GPR39: variants seen among roughly 807,000 people sequenced by gnomAD.
The protein encoded by GPR39 is G protein-coupled receptor 39, also known as zinc sensing receptor.
A neutral mutation model predicts 18.4 loss-of-function variants in GPR39; 23 were observed. That is an observed-to-expected ratio of 1.25 (90% CI 0.90 to 1.77). GPR39 has a LOEUF of 1.77. Among genes scored for constraint, GPR39 ranks in the 40% most tolerant of loss-of-function variants. The probability of loss-of-function intolerance (pLI) is 0.00; values close to 1 mark genes in which losing one functional copy is unlikely to be tolerated. For missense variants in GPR39, 647 were observed against 602.4 expected, an observed-to-expected ratio of 1.07 and a Z score of -0.78; for synonymous variants, 280 against 257.9, an observed-to-expected ratio of 1.09 and a Z score of -0.82.
chr2:132,531,729 C>CA (rs1304132421), intron 1 of GPR39, among the ~76,000 whole-genome samples: 4 of 152,212 alleles, frequency 2.6e-5, no homozygotes, highest in Admixed American at 1.3e-4. Flanking sequence ...GGAAACTGAA[C>CA]AACCTGCTCC....
At position 132,617,263 on chromosome 2, in the gene GPR39, TC is replaced by T. The variant is rs557393308; in HGVS notation, c.857-27836del. On this transcript the variant is annotated intron_variant, in intron 1 of 1. Transcript: ENST00000329321. ...TGGCTTGTATTTTTATGGCTTGGAGTCCTACAGATGGAGTTCCTGGGGCAAA... is the reference window on the plus strand; with the variant it reads ...TGGCTTGTATTTTTATGGCTTGGAGTCTACAGATGGAGTTCCTGGGGCAAA... 4.1e-3 allele frequency among the ~76,000 whole-genome samples: 618 copies of T among 151,874 alleles called. 1 individual carries two copies. Among genetic ancestry groups the T allele is most frequent in the Admixed American group, 7.8e-3 (119 of 15,212 alleles).
Position 132,558,818 on chromosome 2 carries a change from A to C in GPR39, c.857-86283A>C, listed in dbSNP as rs566216289. Among the ~76,000 whole-genome samples, 5 of 152,320 alleles carry C rather than the reference A, an allele frequency of 3.3e-5. No individual in the cohort carries two copies. The South Asian group carries it at 1.0e-3, about 32-fold the overall frequency. ...AGACAGGGGCAGACCTGGAAGGAGG[A>C]GATAAACATTGAATAGGTGCTCAGC... On this transcript the variant is annotated intron_variant, in intron 1 of 1. Coordinates refer to ENST00000329321, the MANE Select transcript of GPR39 (RefSeq NM_001508.3).
chr2:132,512,140 G>C, intron 1 of GPR39, among the ~76,000 whole-genome samples: 1 of 152,140 alleles, frequency 6.6e-6, no homozygotes, highest in Non-Finnish European at 1.5e-5. Flanking sequence ...GTATAACTTG[G>C]GGTAATTATG....
intron 1 of GPR39, among the ~76,000 whole-genome samples, chr2:132,521,754 A>G (rs1679430505): frequency 6.6e-6 from 1 of 152,170 alleles, no homozygotes; most frequent in Non-Finnish European, 1.5e-5. Context: ...CTGATTAGCA[A>G]TTTGTATAGC....
intron 1 of GPR39, among the ~76,000 whole-genome samples, chr2:132,504,153 C>G (rs1679095867): frequency 6.6e-6 from 1 of 152,166 alleles, no homozygotes; most frequent in Non-Finnish European, 1.5e-5. Context: ...GTTTTTGGAG[C>G]AAATGTTCAC....
rs2104790465 is a variant in GPR39 at position 132,483,110 on chromosome 2, C to G, written c.856+65212C>G. ...GCCCTTTGTGAGTCAGTTTTCTTATCTATAAAATGAGAGACCTAATAATAC... is the reference window on the plus strand; with the variant it reads ...GCCCTTTGTGAGTCAGTTTTCTTATGTATAAAATGAGAGACCTAATAATAC... On this transcript the variant is annotated intron_variant, in intron 1 of 1. Transcript: ENST00000329321. Among the ~76,000 whole-genome samples the G allele has an allele frequency of 4.6e-5, 7 of 152,282 alleles. 1 individual carries two copies. In the South Asian group the frequency reaches 1.5e-3, roughly 32 times the overall value.
intron 1 of GPR39, among the ~76,000 whole-genome samples, chr2:132,585,809 G>T (rs973954932): frequency 5.9e-5 from 9 of 152,060 alleles, no homozygotes; most frequent in African/African-American, 2.2e-4. Flanking sequence ...GCGTGATCAC[G>T]CAGCTGCCTC....
intron 1 of GPR39, among the ~76,000 whole-genome samples, chr2:132,509,205 T>C (rs2104756882): frequency 6.6e-6 from 1 of 152,282 alleles, no homozygotes; most frequent in African/African-American, 2.4e-5. Flanking sequence ...ACTCTACCTA[T>C]AGGGAGTGGA....
chr2:132,482,411 T>C (rs1017770248), intron 1 of GPR39, among the ~76,000 whole-genome samples: 5 of 152,178 alleles, frequency 3.3e-5, no homozygotes, highest in Admixed American at 2.6e-4. Context: ...ATCCTTTTTT[T>C]GTAGAAGTCA....
intron 1 of GPR39, among the ~76,000 whole-genome samples, chr2:132,478,474 G>T (rs1306879475): frequency 1.3e-5 from 2 of 152,172 alleles, no homozygotes; most frequent in African/African-American, 4.8e-5. Context: ...TAATTTATTT[G>T]TCAGAATGTT....
intron 1 of GPR39, among the ~76,000 whole-genome samples, chr2:132,475,397 G>T (rs1339530378): frequency 2.0e-5 from 3 of 151,698 alleles, no homozygotes; most frequent in Non-Finnish European, 4.4e-5. Context: ...GGTAGTTGGG[G>T]GCAGATCTTG....
At chr2:132,618,194 C>T (rs1003304176) in intron 1 of GPR39, among the ~76,000 whole-genome samples, 2 of 152,210 alleles carry the variant, frequency 1.3e-5, no homozygotes, top group African/African-American at 4.8e-5. Context: ...AGTGTGTGTT[C>T]TGCCAGCCAG....
intron 1 of GPR39, among the ~76,000 whole-genome samples, chr2:132,445,292 A>G (rs748379535): frequency 5.7e-4 from 87 of 152,214 alleles, no homozygotes; most frequent in African/African-American, 2.0e-3. Flanking sequence ...TCTATATAAT[A>G]TGATGACATG....
chr2:132,562,029 G>C (rs1412380561), intron 1 of GPR39, among the ~76,000 whole-genome samples: 9 of 152,260 alleles, frequency 5.9e-5, no homozygotes. Context: ...CAAATATCTA[G>C]GCACCCCAGT....
intron 1 of GPR39, among the ~76,000 whole-genome samples, chr2:132,629,279 A>G (rs1242944917): frequency 6.6e-6 from 1 of 152,220 alleles, no homozygotes; most frequent in African/African-American, 2.4e-5. Flanking sequence ...GTTAAAATGC[A>G]GATCCTGACC....
At chr2:132,519,144 TAC>T (rs1165830862) in intron 1 of GPR39, among the ~76,000 whole-genome samples, 1 of 152,254 alleles carries the variant, frequency 6.6e-6, no homozygotes, top group African/African-American at 2.4e-5. Flanking sequence ...TTGGCAAATT[TAC>T]AGTCTCTGTG....
chr2:132,451,174 T>TGTGTGTGCGC (rs3219552), intron 1 of GPR39, among the ~76,000 whole-genome samples: 3,951 of 150,452 alleles, frequency 0.026, 74 homozygotes, highest in South Asian at 0.047. Context: ...TGTGTGTGTG[T>TGTGTGTGCGC]GCACGCGCGT....
At chr2:132,513,613 T>C (rs1157002005) in intron 1 of GPR39, among the ~76,000 whole-genome samples, 2 of 152,276 alleles carry the variant, frequency 1.3e-5, no homozygotes, top group South Asian at 2.1e-4. Flanking sequence ...TTTGTTATTT[T>C]CGCTTTCTCT....
At chr2:132,476,194 TA>T (rs1374638612) in intron 1 of GPR39, among the ~76,000 whole-genome samples, 1 of 152,166 alleles carries the variant, frequency 6.6e-6, no homozygotes, top group African/African-American at 2.4e-5. Context: ...ATGTCATTTA[TA>T]AAAGACCAAA....
Sources: gnomAD v4.1 joint callset for allele counts (sites outside exome capture counted in the v4.1 genomes callset) on GRCh38, gnomAD v4.1.1 for gene constraint, MANE v1.5 for transcripts, NCBI Gene and HGNC (gene_info 2026-07-23, HGNC 2026-07-21) for gene names.